TET2: variants seen among roughly 807,000 people sequenced by gnomAD.
The protein encoded by TET2 is tet methylcytosine dioxygenase 2, also known as methylcytosine dioxygenase TET2.
Under a neutral mutation model 142.9 loss-of-function variants are expected in TET2, and 299 were observed. The observed-to-expected ratio is 2.09, with a 90% confidence interval of 1.90 to 2.30. The LOEUF is 2.30. Among genes scored for constraint, TET2 ranks in the 30% most tolerant of loss-of-function variants. TET2 has a pLI of 0.00. For synonymous variants in TET2, 819 were observed against 849.0 expected, an observed-to-expected ratio of 0.96 and a Z score of 0.61; for missense variants, 2,418 against 2,378.0, an observed-to-expected ratio of 1.02 and a Z score of -0.35.
intron 1 of TET2, among the ~76,000 whole-genome samples, chr4:105,175,121 A>G (rs1724705651): frequency 6.6e-6 from 1 of 152,180 alleles, no homozygotes; most frequent in Non-Finnish European, 1.5e-5. Flanking sequence ...TCATATTACT[A>G]AAAGCCTATT....
chr4:105,229,393 C>A (rs904912916), intron 2 of TET2, among the ~76,000 whole-genome samples: 1 of 152,174 alleles, frequency 6.6e-6, no homozygotes, highest in African/African-American at 2.4e-5. Context: ...TCACTGCAAC[C>A]TCCGCCTCCT....
At chr4:105,245,243 C>T (rs951668325) in intron 6 of TET2, among the ~76,000 whole-genome samples, 5 of 152,078 alleles carry the variant, frequency 3.3e-5, no homozygotes, top group Non-Finnish European at 5.9e-5. Context: ...GTGTACCTGA[C>T]CACTTTTACA....
chr4:105,243,861 C>T (rs1250680387), intron 6 of TET2, 83 bp downstream of exon 6: 2 of 1,275,622 alleles, frequency 1.6e-6, no homozygotes, highest in Non-Finnish European at 1.1e-6. Context: ...GAGAGTTCAG[C>T]GTGCACTTTT....
intron 1 of TET2, among the ~76,000 whole-genome samples, chr4:105,158,027 A>T (rs947908079): frequency 1.3e-5 from 2 of 152,206 alleles, no homozygotes; most frequent in East Asian, 3.8e-4. Flanking sequence ...ATTTACTGTT[A>T]AAAAATGTGG....
Position 105,237,187 on chromosome 4 carries a change from A to G in TET2, c.3245A>G (p.Glu1082Gly), listed in dbSNP as rs774646512. 3 of 1,614,178 alleles carry G rather than the reference A, an allele frequency of 1.9e-6. No individual in the cohort carries two copies. Among genetic ancestry groups the G allele is most frequent in the Non-Finnish European group, 2.5e-6 (3 of 1,180,032 alleles). Residue 1082 changes from glutamate to glycine, a missense_variant, in exon 3 of 11, where the codon GAG becomes GGG. Transcript: ENST00000380013. ...CTTGATAGCCACACCCCAGCTTTAG[A>G]GCAGCAAACAACTTCTTCAGAAAAG... ...AELDSHTPAL[E>G]QQTTSSEKTP...
At chr4:105,229,306 T>C (rs1728357658) in intron 2 of TET2, among the ~76,000 whole-genome samples, 1 of 152,202 alleles carries the variant, frequency 6.6e-6, no homozygotes, top group Non-Finnish European at 1.5e-5. Flanking sequence ...CTTTGTCCAA[T>C]ATGAGTTATA....
chr4:105,207,101 A>C (rs1726870014), intron 2 of TET2, among the ~76,000 whole-genome samples: 1 of 152,226 alleles, frequency 6.6e-6, no homozygotes, highest in South Asian at 2.1e-4. Flanking sequence ...GAAATGTATG[A>C]GCTCACTGAA....
chr4:105,174,677 T>A (rs1228339525), intron 1 of TET2, among the ~76,000 whole-genome samples: 1 of 152,152 alleles, frequency 6.6e-6, no homozygotes, highest in Non-Finnish European at 1.5e-5. Context: ...GGTTAAAAAC[T>A]CCAGGAGGAC....
intron 6 of TET2, among the ~76,000 whole-genome samples, chr4:105,255,257 G>GT (rs1376364955): frequency 6.6e-6 from 1 of 152,020 alleles, no homozygotes; most frequent in African/African-American, 2.4e-5. Flanking sequence ...TTTCTATCAT[G>GT]TTTTTTTGAT....
intron 1 of TET2, among the ~76,000 whole-genome samples, chr4:105,187,611 A>G (rs530495362): frequency 2.6e-5 from 4 of 152,322 alleles, no homozygotes; most frequent in Non-Finnish European, 5.9e-5. Context: ...AAGCTTTATC[A>G]CTATAATTGA....
At position 105,241,357 on chromosome 4, in the gene TET2, A is replaced by G. The variant is rs1484903483; in HGVS notation, c.3428A>G (p.Asp1143Gly). The G allele has an allele frequency of 1.9e-6, 3 of 1,547,036 alleles. No homozygotes were observed. Among genetic ancestry groups the G allele is most frequent in the East Asian group, 2.4e-5 (1 of 40,878 alleles). ...CRCVEQIIEK[D>G]EGPFYTHLGA... ...TCAACAGAGCAAATTATTGAAAAAG[A>G]TGAAGGTCCTTTTTATACCCATCTA... is the stretch of plus-strand genomic sequence containing the variant. Residue 1143 changes from aspartate to glycine, a missense_variant, in exon 4 of 11, where the codon GAT becomes GGT. Physicochemically the swap from Asp to Gly is moderately conservative, Grantham distance 94. Transcript: ENST00000380013.
chr4:105,197,650 G>T (rs541138634), intron 2 of TET2, among the ~76,000 whole-genome samples: 1 of 152,288 alleles, frequency 6.6e-6, no homozygotes, highest in East Asian at 1.9e-4. Context: ...TGACCAAAGA[G>T]TAAAAAGTGA....
chr4:105,149,535 A>G (rs1410151827), intron 1 of TET2, among the ~76,000 whole-genome samples: 3 of 152,198 alleles, frequency 2.0e-5, no homozygotes, highest in Non-Finnish European at 4.4e-5. Context: ...TCTTTACCAT[A>G]TATGTGATCA....
chr4:105,221,176 G>A (rs549191914), intron 2 of TET2, among the ~76,000 whole-genome samples: 4 of 152,060 alleles, frequency 2.6e-5, no homozygotes, highest in Non-Finnish European at 4.4e-5. Flanking sequence ...GTACACACTA[G>A]TTTGGTGAGA....
rs1731192351 is a variant in TET2, at chr4:105,275,846, C to T, written c.5336C>T (p.Ala1779Val). Residue 1779 changes from alanine to valine, a missense_variant, in exon 11 of 11, where the codon GCC (alanine) becomes GTC (valine). Coordinates refer to ENST00000380013, the MANE Select transcript of TET2 (RefSeq NM_001127208.3). ...GGCATGTTCAACAGCTCTCTTCATG[C>T]CCTGCATCTCCAAAACAAGGAGAAT... is the stretch of plus-strand genomic sequence containing the variant. ...APGMFNSSLHALHLQNKENDM... is the reference protein window; with the variant it reads ...APGMFNSSLHVLHLQNKENDM... 6.4e-7 allele frequency: 1 copy of T among 1,551,878 alleles called. No homozygotes were observed.
rs112870943 is a variant in TET2 at position 105,200,694 on chromosome 4, C to T, written c.-47+10189C>T. ...TTGTTTTTTTGGAGATGGAGTCTCA[C>T]GCTGTCACCAGTCTGGAGTGTGGTG... On this transcript the variant is annotated intron_variant, in intron 2 of 10. Transcript: ENST00000380013. Among the ~76,000 whole-genome samples the T allele has an allele frequency of 1.9e-4, 29 of 151,606 alleles. No individual in the cohort carries two copies. The South Asian group carries it at 2.5e-3, about 13-fold the overall frequency.
At chr4:105,192,690 G>C (rs1725853909) in intron 2 of TET2, among the ~76,000 whole-genome samples, 4 of 152,062 alleles carry the variant, frequency 2.6e-5, no homozygotes, top group Admixed American at 6.6e-5. Flanking sequence ...ATGAGTAAGA[G>C]GCAAAAATCT....
chr4:105,184,720 GGTGTGT>G (rs34103341), intron 1 of TET2, among the ~76,000 whole-genome samples: 9 of 150,778 alleles, frequency 6.0e-5, no homozygotes, highest in African/African-American at 1.5e-4. Flanking sequence ...CTTGCAGAGA[GGTGTGT>G]GTGTGTGTGT....
At chr4:105,262,476 T>G (rs1399047042) in intron 8 of TET2, among the ~76,000 whole-genome samples, 1 of 152,158 alleles carries the variant, frequency 6.6e-6, no homozygotes, top group African/African-American at 2.4e-5. Flanking sequence ...ATCTTCACTG[T>G]TTCAGTAACA....
Sources: gnomAD v4.1 joint callset for allele counts (sites outside exome capture counted in the v4.1 genomes callset) on GRCh38, gnomAD v4.1.1 for gene constraint, MANE v1.5 for transcripts, NCBI Gene and HGNC (gene_info 2026-07-23, HGNC 2026-07-21) for gene names.